The following GALNT13 variants were observed in gnomAD, a reference collection of about 807,000 sequenced individuals.
GALNT13 encodes polypeptide N-acetylgalactosaminyltransferase 13.
Under a neutral mutation model 64.2 loss-of-function variants are expected in GALNT13, and 28 were observed. The observed-to-expected ratio is 0.44, with a 90% CI of 0.32 to 0.60. GALNT13 has a LOEUF of 0.60. Among genes scored for constraint, GALNT13 ranks in the 20% least tolerant of loss-of-function variants. The pLI, the probability that GALNT13 is intolerant of heterozygous loss-of-function variation, is 0.05. For synonymous variants in GALNT13, 214 were observed against 224.6 expected (o/e 0.95, Z 0.42); for missense variants, 577 against 669.8 (o/e 0.86, Z 1.53).
chr2:153,792,006 C>A, the GALNT13 span, among the ~76,000 whole-genome samples: 1 of 151,972 alleles, frequency 6.6e-6, no homozygotes, highest in Admixed American at 6.6e-5. Flanking sequence ...TACAACTAAC[C>A]CCAGTGACAA....
rs16836924 is a variant in GALNT13, at chr2:154,377,242, T to C, written c.1157-18749T>C. On this transcript the variant is annotated intron_variant, in intron 9 of 12. Transcript: ENST00000392825. The stretch of plus-strand genomic sequence containing the variant: ...CCTCTTTGATAAGGACCTAAATCTT[T>C]TCATTCAGTGATATCTTTTCTGGGT... Among the ~76,000 whole-genome samples the C allele has an allele frequency of 8.7e-3, 1,331 of 152,224 alleles. 21 individuals are homozygous for C. The highest frequency in any genetic ancestry group is 0.03 in the African/African-American group (1,246 of 41,544).
chr2:154,282,717 T>A, intron 8 of GALNT13, among the ~76,000 whole-genome samples: 1 of 152,276 alleles, frequency 6.6e-6, no homozygotes, highest in African/African-American at 2.4e-5. Context: ...AAAAAAAACA[T>A]TAAATTATCA....
the GALNT13 span, among the ~76,000 whole-genome samples, chr2:153,074,145 A>G: frequency 6.6e-6 from 1 of 152,228 alleles, no homozygotes; most frequent in South Asian, 2.1e-4. Context: ...CCATTAACTT[A>G]TTAAGAATTG....
At chr2:153,292,528 TGTGG>T in the GALNT13 span, among the ~76,000 whole-genome samples, 1 of 152,086 alleles carries the variant, frequency 6.6e-6, no homozygotes, top group Non-Finnish European at 1.5e-5. Flanking sequence ...AGAAGTTCAG[TGTGG>T]GTGAGGCACA....
intron 3 of GALNT13, among the ~76,000 whole-genome samples, chr2:154,128,161 G>A (rs1332185810): frequency 6.6e-6 from 1 of 152,020 alleles, no homozygotes; most frequent in Non-Finnish European, 1.5e-5. Context: ...ATTTAAAGGT[G>A]TACCTACTGG....
At chr2:153,536,203 T>A in the GALNT13 span, among the ~76,000 whole-genome samples, 2 of 152,186 alleles carry the variant, frequency 1.3e-5, no homozygotes, top group Non-Finnish European at 1.5e-5. Context: ...CAAGCTCCAA[T>A]GGTAAAACTA....
At chr2:153,831,108 G>A in the GALNT13 span, among the ~76,000 whole-genome samples, 7 of 152,064 alleles carry the variant, frequency 4.6e-5, no homozygotes, top group Non-Finnish European at 1.0e-4. Context: ...ATCATGTTAT[G>A]GTTTGGAGTA....
At chr2:154,049,370 G>T (rs529633796) in intron 3 of GALNT13, among the ~76,000 whole-genome samples, 1 of 147,218 alleles carries the variant, frequency 6.8e-6, no homozygotes, top group Non-Finnish European at 1.5e-5. Context: ...ATAATTTAAA[G>T]AATATATATC....
intron 9 of GALNT13, among the ~76,000 whole-genome samples, chr2:154,373,736 A>G (rs1187616079): frequency 6.6e-6 from 1 of 152,174 alleles, no homozygotes; most frequent in Non-Finnish European, 1.5e-5. Context: ...AATAGTAACA[A>G]CAAACGTTTT....
chr2:154,041,906 A>G (rs1200326492), intron 3 of GALNT13, among the ~76,000 whole-genome samples: 1 of 140,308 alleles, frequency 7.1e-6, no homozygotes, highest in African/African-American at 2.4e-5. Context: ...AACCAAAAAT[A>G]AGATTGAACC....
At chr2:153,492,091 C>G in the GALNT13 span, among the ~76,000 whole-genome samples, 1 of 152,216 alleles carries the variant, frequency 6.6e-6, no homozygotes, top group South Asian at 2.1e-4. Context: ...TAGCAAAATA[C>G]TAGGAGTTCA....
chr2:153,692,625 A>G, the GALNT13 span, among the ~76,000 whole-genome samples: 5 of 152,232 alleles, frequency 3.3e-5, no homozygotes, highest in South Asian at 2.1e-4. Context: ...ATTTTTTTCT[A>G]TTGATTAGCA....
chr2:153,535,159 A>G, the GALNT13 span, among the ~76,000 whole-genome samples: 9 of 151,944 alleles, frequency 5.9e-5, no homozygotes, highest in African/African-American at 2.2e-4. Context: ...TATTGTGGGG[A>G]TGTTAGAAGA....
chr2:153,748,869 G>GA, the GALNT13 span, among the ~76,000 whole-genome samples: 6 of 149,688 alleles, frequency 4.0e-5, no homozygotes, highest in South Asian at 2.1e-4. Context: ...ATGATACCTG[G>GA]AAAAAAAAAG....
intron 4 of GALNT13, among the ~76,000 whole-genome samples, chr2:154,223,225 A>T (rs1219364151): frequency 6.6e-6 from 1 of 152,094 alleles, no homozygotes; most frequent in Non-Finnish European, 1.5e-5. Context: ...AGCCCTTTTC[A>T]TAGAATACAG....
At chr2:153,912,102 T>C (rs2105317703) in intron 2 of GALNT13, among the ~76,000 whole-genome samples, 1 of 152,314 alleles carries the variant, frequency 6.6e-6, no homozygotes, top group South Asian at 2.1e-4. Context: ...GTTTGTTCCT[T>C]TTTATTCTTT....
the GALNT13 span, among the ~76,000 whole-genome samples, chr2:153,537,708 G>T: frequency 5.9e-5 from 9 of 152,066 alleles, no homozygotes; most frequent in Non-Finnish European, 1.2e-4. Context: ...TTGTGATAGC[G>T]AGTGGATTCT....
chr2:153,475,819 C>T, the GALNT13 span, among the ~76,000 whole-genome samples: 2 of 152,142 alleles, frequency 1.3e-5, no homozygotes, highest in African/African-American at 2.4e-5. Context: ...GCAGCCACAG[C>T]GTGAGTTAAA....
intron 2 of GALNT13, among the ~76,000 whole-genome samples, chr2:153,917,272 C>T (rs990667918): frequency 3.3e-5 from 5 of 151,914 alleles, no homozygotes; most frequent in African/African-American, 1.2e-4. Context: ...GTGTAAAGTA[C>T]ACTAATATTA....
Sources: gnomAD v4.1 joint callset for allele counts (sites outside exome capture counted in the v4.1 genomes callset) on GRCh38, gnomAD v4.1.1 for gene constraint, MANE v1.5 for transcripts, NCBI Gene and HGNC (gene_info 2026-07-23, HGNC 2026-07-21) for gene names.